The following OSBPL5 variants were observed in gnomAD, a reference collection of about 807,000 sequenced individuals.
OSBPL5 encodes the protein oxysterol binding protein like 5.
A neutral mutation model predicts 111.2 loss-of-function variants in OSBPL5; 71 were observed. The ratio of observed to expected loss-of-function variants is 0.64; its 90% CI spans 0.53 to 0.78. The LOEUF (loss-of-function observed/expected upper bound fraction) is 0.78, where lower values mean the gene tolerates loss of function less well. Among genes scored for constraint, OSBPL5 ranks in the 30% least tolerant of loss-of-function variants. OSBPL5 has a pLI of 0.00. For missense variants in OSBPL5, 1,210 were observed against 1,189.3 expected, an observed-to-expected ratio of 1.02 and a Z score of -0.26; for synonymous variants, 549 against 513.9, an observed-to-expected ratio of 1.07 and a Z score of -0.93.
chr11:3,163,016 C>G (rs922869201), intron 1 of OSBPL5, among the ~76,000 whole-genome samples: 2 of 151,898 alleles, frequency 1.3e-5, no homozygotes, highest in African/African-American at 4.8e-5. Flanking sequence ...CTAACGGCTC[C>G]CTCCCCGACA....
At chr11:3,136,222 C>T (rs2134499127) in intron 1 of OSBPL5, among the ~76,000 whole-genome samples, 1 of 152,374 alleles carries the variant, frequency 6.6e-6, no homozygotes, top group South Asian at 2.1e-4. Context: ...AGAGCCAGTG[C>T]ACATGGCCCC....
At chr11:3,094,385 C>T (rs1318083606) in intron 14 of OSBPL5, 51 bp from the exon 15 acceptor site, 3 of 1,490,400 alleles carry the variant, frequency 2.0e-6, no homozygotes, top group Non-Finnish European at 1.8e-6. Context: ...CTGCTGAGCC[C>T]CAGGCCCTGC....
In OSBPL5 at chr11:3,089,917, C is replaced by T. The variant is rs778301399; in HGVS notation, c.2430G>A (p.Lys810=). 3.2e-6 allele frequency: 5 copies of T among 1,563,982 alleles called. No homozygotes were observed. The highest frequency in any genetic ancestry group is 1.7e-6 in the Non-Finnish European group (2 of 1,154,766). ...GGESPCPRCR[K]EARRLQALHE... is the part of the protein sequence containing the mutation. The stretch of plus-strand genomic sequence containing the variant: ...GCAGGGCCTGCAGCCGCCGCGCCTC[C>T]TTCCTGCACCGAGGGCATGGGCTCT... Residue 810 remains lysine, a synonymous_variant, in exon 21 of 22, where the codon AAG becomes AAA. Coordinates refer to ENST00000263650, the MANE Select transcript of OSBPL5 (RefSeq NM_020896.4).
At chr11:3,125,852 G>A (rs939539034) in intron 3 of OSBPL5, among the ~76,000 whole-genome samples, 111 of 151,854 alleles carry the variant, frequency 7.3e-4, no homozygotes, top group African/African-American at 2.2e-3. Context: ...CGTGGTGGCG[G>A]GCACCTGTAG....
intron 15 of OSBPL5, 100 bp downstream of exon 15, chr11:3,094,137 T>G: frequency 8.4e-7 from 1 of 1,191,556 alleles, no homozygotes; most frequent in Non-Finnish European, 1.2e-6. Context: ...GTGCACTGCC[T>G]TGGGGAACCT....
Position 3,104,572 on chromosome 11 carries a change from C to T in OSBPL5, c.1060-195G>A, listed in dbSNP as rs1004865565. Among the ~76,000 whole-genome samples the T allele has an allele frequency of 4.6e-5, 7 of 152,190 alleles. No homozygotes were observed. Among genetic ancestry groups the T allele is most frequent in the Non-Finnish European group, 7.4e-5 (5 of 68,016 alleles). ...AACTCTTCCCAATGCGTCTCCACCC[C>T]ACCCCTGGAGCACCCGCAGCCCAGG... On this transcript the variant is annotated intron_variant, in intron 9 of 21. Transcript: ENST00000263650. This position sits in a 1 kb window ranked among gnomAD's most constrained non-coding sequence, Gnocchi z 5.0.
At chr11:3,112,063 A>ATG (rs1327690572) in intron 7 of OSBPL5, among the ~76,000 whole-genome samples, 3 of 27,696 alleles carry the variant, frequency 1.1e-4, no homozygotes, top group Non-Finnish European at 2.7e-4. Flanking sequence ...GTGCATGTGT[A>ATG]TGTGTGTGTG....
chr11:3,088,927 C>T (rs996926580), intron 21 of OSBPL5, among the ~76,000 whole-genome samples: 6 of 152,066 alleles, frequency 3.9e-5, no homozygotes, highest in African/African-American at 9.7e-5. Flanking sequence ...ACGCGCTGTC[C>T]GAGCCCCTTG....
chr11:3,150,467 C>T (rs1053063708), intron 1 of OSBPL5, among the ~76,000 whole-genome samples: 3 of 152,176 alleles, frequency 2.0e-5, no homozygotes, highest in African/African-American at 7.2e-5. Flanking sequence ...TAGGTGGGCA[C>T]GTCCCACCCG....
In OSBPL5 at chr11:3,116,854, C is replaced by CAAAAAAAAAAAA. The variant is rs371907970; in HGVS notation, c.691+2681_691+2692dup. On this transcript the variant is annotated intron_variant, in intron 7 of 21. Coordinates refer to ENST00000263650, the MANE Select transcript of OSBPL5 (RefSeq NM_020896.4). ...TGGGCAACAGAGTGAGACTCCATCA[C>CAAAAAAAAAAAA]AAAAAAAAAAAAAAAAAAGAAGTGT... Among the ~76,000 whole-genome samples, 61 of 75,410 alleles carry CAAAAAAAAAAAA rather than the reference C, an allele frequency of 8.1e-4. 1 individual carries two copies. The highest frequency in any genetic ancestry group is 2.3e-3 in the African/African-American group (51 of 22,008). 49.5% of individuals were successfully genotyped at this position (75,410 alleles called of 152,430 possible). A position where few individuals can be genotyped will look rare whatever the true frequency, so the allele number is the denominator to read the frequency against.
chr11:3,102,349 G>A, intron 11 of OSBPL5, 68 bp from the exon 12 acceptor site: 4 of 1,456,354 alleles, frequency 2.7e-6, no homozygotes, highest in Non-Finnish European at 3.8e-6. Context: ...AGCAGGTGAG[G>A]GATGTGGACG....
intron 7 of OSBPL5, among the ~76,000 whole-genome samples, chr11:3,111,787 A>G (rs1197624812): frequency 6.6e-6 from 1 of 152,242 alleles, no homozygotes; most frequent in African/African-American, 2.4e-5. Flanking sequence ...TATTCATATA[A>G]CAAGGCCACA....
In OSBPL5 at chr11:3,088,198, A is replaced by AG; in HGVS notation, c.*6dup. On this transcript the variant is annotated 3_prime_UTR_variant, in exon 22 of 22. Coordinates refer to ENST00000263650, the MANE Select transcript of OSBPL5 (RefSeq NM_020896.4). ...AGGACCGGCCAGGAGCTCTGCCCTC[A>AG]GGGCTCCTATTTGAGGATGTGGTTA... 1 of 1,575,978 alleles carries AG rather than the reference A, an allele frequency of 6.3e-7. No individual in the cohort carries two copies. The highest frequency in any genetic ancestry group is 1.2e-5 in the South Asian group (1 of 85,186).
chr11:3,093,431 T>C (rs963772013), intron 17 of OSBPL5, 96 bp downstream of exon 17: 16 of 1,528,752 alleles, frequency 1.0e-5, no homozygotes, highest in Non-Finnish European at 1.2e-5. Context: ...AGGGACATCC[T>C]GGGGCCATGC....
At position 3,130,391 on chromosome 11, in the gene OSBPL5, G is replaced by A. The variant is rs75427620; in HGVS notation, c.-21-1222C>T. ...GGACAAAGGCCTCGATTTCTCCCAT[G>A]GTCCTGGGCTTTGCTGGGGGGGGCC... On this transcript the variant is annotated intron_variant, in intron 1 of 21. Coordinates refer to ENST00000263650, the MANE Select transcript of OSBPL5 (RefSeq NM_020896.4). This position sits in a 1 kb window ranked among gnomAD's most constrained non-coding sequence, Gnocchi z 4.5. Among the ~76,000 whole-genome samples, 15,348 of 152,282 alleles carry A rather than the reference G, an allele frequency of 0.1. 798 individuals are homozygous for A. Among genetic ancestry groups the A allele is most frequent in the South Asian group, 0.14 (661 of 4,826 alleles).
At chr11:3,160,493 C>G (rs1335617565) in intron 1 of OSBPL5, among the ~76,000 whole-genome samples, 3 of 152,232 alleles carry the variant, frequency 2.0e-5, no homozygotes. Context: ...AGCCGCAGCC[C>G]AGCGAATGGG....
chr11:3,103,816 C>CTG (rs1857578136), intron 10 of OSBPL5, among the ~76,000 whole-genome samples: 12 of 39,164 alleles, frequency 3.1e-4, no homozygotes, highest in African/African-American at 6.6e-4. Context: ...CTCTTCCTGC[C>CTG]TGCGCAGCCC....
At chr11:3,120,717 G>A in intron 5 of OSBPL5, 93 bp from the exon 6 acceptor site, 1 of 1,436,264 alleles carries the variant, frequency 7.0e-7, no homozygotes. Flanking sequence ...GCACAGACCA[G>A]GGTGGGCTGC....
chr11:3,099,643 G>A (rs143259535), intron 14 of OSBPL5, among the ~76,000 whole-genome samples: 1 of 152,316 alleles, frequency 6.6e-6, no homozygotes, highest in East Asian at 1.9e-4. Context: ...CAGCTACAGG[G>A]AAAAGCAGAT....
Sources: gnomAD v4.1 joint callset for allele counts (sites outside exome capture counted in the v4.1 genomes callset) on GRCh38, gnomAD v4.1.1 for gene constraint, Gnocchi (gnomAD v3.1) non-coding constraint, MANE v1.5 for transcripts, NCBI Gene and HGNC (gene_info 2026-07-23, HGNC 2026-07-21) for gene names.